The following KIFC2 variants were observed in gnomAD, a reference collection of about 807,000 sequenced individuals.
KIFC2 encodes the protein kinesin-like protein KIFC2.
Under a neutral mutation model 91.5 loss-of-function variants are expected in KIFC2, and 94 were observed. The ratio of observed to expected loss-of-function variants is 1.03; its 90% CI spans 0.87 to 1.22. The LOEUF (loss-of-function observed/expected upper bound fraction) is 1.22, where lower values mean the gene tolerates loss of function less well. KIFC2 is among the 50% of genes most tolerant of loss of function. The probability of loss-of-function intolerance (pLI) is 0.00; values close to 1 mark genes in which losing one functional copy is unlikely to be tolerated. For synonymous variants in KIFC2, 729 were observed against 503.9 expected (o/e 1.45, Z -5.98); for missense variants, 1,357 against 1,103.3 (o/e 1.23, Z -3.26).
At chr8:144,466,729 C>T (rs1406679315) in intron 1 of KIFC2, 31 bp from the exon 2 acceptor site, 158 of 1,490,422 alleles carry the variant, frequency 1.1e-4, no homozygotes, top group Non-Finnish European at 1.4e-4. Flanking sequence ...GCCTGCCCCC[C>T]TCCTCAGGGG....
intron 14 of KIFC2, 48 bp from the exon 15 acceptor site, chr8:144,472,313 C>A: frequency 1.9e-6 from 3 of 1,613,434 alleles, no homozygotes; most frequent in Non-Finnish European, 2.5e-6. Flanking sequence ...AGGGCCCTTC[C>A]GGATTTCCAG....
At position 144,468,009 on chromosome 8, in the gene KIFC2, G is replaced by A. The variant is rs929665815; in HGVS notation, c.810+22G>A. The A allele has an allele frequency of 2.6e-6, 4 of 1,518,520 alleles. No individual in the cohort carries two copies. In the Admixed American group the frequency reaches 1.0e-4, roughly 39 times the overall value. 94.1% of individuals were successfully genotyped at this position (1,518,520 alleles called of 1,614,324 possible). A position where few individuals can be genotyped will look rare whatever the true frequency, so the allele number is the denominator to read the frequency against. The stretch of plus-strand genomic sequence containing the variant: ...GCAGGTACTCTGCTCCCGAGCTGCA[G>A]CCGTTCCTGCAGCCTGGGGCTCTTG... On this transcript the variant is annotated intron_variant, in intron 7 of 17. Coordinates refer to ENST00000645548, the MANE Select transcript of KIFC2 (RefSeq NM_001369769.2).
At chr8:144,466,159 G>T, upstream of KIFC2, 2 of 167,082 alleles carry the variant, frequency 1.2e-5, no homozygotes, top group Non-Finnish European at 1.3e-5. Flanking sequence ...CGGGAGCCGT[G>T]GGCGCTCTCA....
rs1453376851 is a variant in KIFC2 at position 144,473,492 on chromosome 8, G to A, written c.*103G>A. ...CGTCTCCCAGGGCACAAGCTCCCTA[G>A]CCTCTTTGGATCCATTGCCCCTGAG... On this transcript the variant is annotated 3_prime_UTR_variant, in exon 18 of 18. Transcript: ENST00000645548. 12 of 1,433,740 alleles carry A rather than the reference G, an allele frequency of 8.4e-6. No individual in the cohort carries two copies. The highest frequency in any genetic ancestry group is 1.4e-5 in the African/African-American group (1 of 69,028). The allele number at this position is 1,433,740 out of a possible 1,614,324, so 88.8% of individuals were successfully genotyped here.
At chr8:144,470,801 C>A (rs1420122682) in intron 12 of KIFC2, 2 of 152,268 alleles carry the variant, frequency 1.3e-5, no homozygotes, top group Admixed American at 6.5e-5. Flanking sequence ...GAGCCAGGTA[C>A]TGGTGTGGCC....
chr8:144,472,609 C>G lies in KIFC2; in HGVS notation c.1764C>G (p.Thr588=), dbSNP rs780759737. ...MLKLGRSNRA[T]AATAMNQRSS... is the part of the protein sequence containing the mutation. ...AACTGGGGAGGAGCAACCGGGCCAC[C>G]GCCGCCACCGCCATGAACCAGCGCA... is the stretch of plus-strand genomic sequence containing the variant. Residue 588 remains threonine, a synonymous_variant, in exon 16 of 18, where the codon ACC becomes ACG. Coordinates refer to ENST00000645548, the MANE Select transcript of KIFC2 (RefSeq NM_001369769.2). The G allele has an allele frequency of 1.9e-6, 3 of 1,605,972 alleles. No individual in the cohort carries two copies. Among genetic ancestry groups the G allele is most frequent in the Non-Finnish European group, 2.5e-6 (3 of 1,179,678 alleles).
rs1337832597 is a variant in KIFC2, at chr8:144,466,468, C to T, written c.49C>T (p.Arg17Cys). 8 of 1,354,028 alleles carry T rather than the reference C, an allele frequency of 5.9e-6. No individual in the cohort carries two copies. The Admixed American group carries it at 1.3e-4, about 23-fold the overall frequency. The allele number at this position is 1,354,028 out of a possible 1,614,324, so 83.9% of individuals were successfully genotyped here. Residue 17 changes from arginine to cysteine, a missense_variant, in exon 1 of 18, where the codon CGC becomes TGC. Transcript: ENST00000645548. ...CATCTACATCTTCTACAGCCTCTTC[C>T]GCAGGGATGGTGGCGCCGCGGCGGC... ...LLIYIFYSLFRRDGGAAAAAE... is the reference protein window; with the variant it reads ...LLIYIFYSLFCRDGGAAAAAE...
At chr8:144,468,922 A>G in intron 10 of KIFC2, 88 bp downstream of exon 10, 1 of 1,108,802 alleles carries the variant, frequency 9.0e-7, no homozygotes, top group Non-Finnish European at 1.3e-6. Context: ...AGTTGGCTGT[A>G]CTAATAAGTG....
intron 1 of KIFC2, 113 bp from the exon 2 acceptor site, chr8:144,466,647 C>T (rs1388345000): frequency 2.4e-5 from 25 of 1,023,406 alleles, no homozygotes; most frequent in Non-Finnish European, 3.3e-5. Context: ...TCGGCTCGGC[C>T]CCGATGCTGG....
rs753498379 is a variant in KIFC2, at chr8:144,466,436, C to G, written c.17C>G (p.Ser6Trp). MYAFY[S>W]LLIYIFYSLF... ...CGCGCTCCCATGTACGCCTTTTACT[C>G]GTTGCTCATCTACATCTTCTACAGC... Residue 6 changes from serine to tryptophan, a missense_variant, in exon 1 of 18, where the codon TCG (serine) becomes TGG (tryptophan). Physicochemically the swap from Ser to Trp is radical, Grantham distance 177. Coordinates refer to ENST00000645548, the MANE Select transcript of KIFC2 (RefSeq NM_001369769.2). 12 of 1,357,276 alleles carry G rather than the reference C, an allele frequency of 8.8e-6. No homozygotes were observed. Among genetic ancestry groups the G allele is most frequent in the Non-Finnish European group, 1.2e-5 (12 of 1,040,972 alleles). 84.1% of individuals were successfully genotyped at this position (1,357,276 alleles called of 1,614,324 possible).
chr8:144,472,089 C>T, intron 13 of KIFC2, 43 bp downstream of exon 13: 2 of 1,613,090 alleles, frequency 1.2e-6, no homozygotes. Flanking sequence ...CCCCAGGGGC[C>T]CTGCATGACT....
rs912468825 is a variant in KIFC2 at position 144,474,014 on chromosome 8, C to G, written c.*625C>G. 1 of 570,624 alleles carries G rather than the reference C, an allele frequency of 1.8e-6. No individual in the cohort carries two copies. The highest frequency in any genetic ancestry group is 2.8e-5 in the East Asian group (1 of 35,138). 35.3% of individuals were successfully genotyped at this position (570,624 alleles called of 1,614,324 possible). A position where few individuals can be genotyped will look rare whatever the true frequency, so the allele number is the denominator to read the frequency against. On this transcript the variant is annotated 3_prime_UTR_variant, in exon 18 of 18. Coordinates refer to ENST00000645548, the MANE Select transcript of KIFC2 (RefSeq NM_001369769.2). Reference sequence around the variant, plus strand: ...CTCAGCCCTGCTCCTGCAGCTTTGCCGCTGAGTGTAGGAAAAACAGGCATG... The same window carrying G: ...CTCAGCCCTGCTCCTGCAGCTTTGCGGCTGAGTGTAGGAAAAACAGGCATG...
At position 144,467,554 on chromosome 8, in the gene KIFC2, C is replaced by T; in HGVS notation, c.539C>T (p.Thr180Ile). ...CCAGGCGAGCCACTGGGGGATGAGA[C>T]CCAGGGACAGCAGCCCCTCCAGTTG... The part of the protein sequence containing the change: ...AVPGEPLGDE[T>I]QGQQPLQLEE... The change falls in exon 5 of 18, where the codon ACC becomes ATC. Residue 180 changes from threonine to isoleucine, a missense_variant. Transcript: ENST00000645548. 3.1e-6 allele frequency: 5 copies of T among 1,605,986 alleles called. No individual in the cohort carries two copies. The highest frequency in any genetic ancestry group is 1.3e-5 in the African/African-American group (1 of 74,696).
At position 144,468,672 on chromosome 8, in the gene KIFC2, C is replaced by T. The variant is rs199747549; in HGVS notation, c.1003+22C>T. The T allele has an allele frequency of 1.0e-4, 162 of 1,613,076 alleles. 1 individual carries two copies. The East Asian group carries it at 1.2e-3, about 12-fold the overall frequency. On this transcript the variant is annotated intron_variant, in intron 9 of 17. Transcript: ENST00000645548. ...GCAGGTAAGGGTTGGGGTTGGGGCTCATGGGAGGCCCTGGAGGCTGGGCCT... is the reference window on the plus strand; with the variant it reads ...GCAGGTAAGGGTTGGGGTTGGGGCTTATGGGAGGCCCTGGAGGCTGGGCCT...
chr8:144,468,846 T>G lies in KIFC2; in HGVS notation c.1113+12T>G, dbSNP rs1376216711. ...AGGCCCGGGGCCAGGTCAGGACCCC[T>G]CCCCGCCTAGCCCCTCCTCTCTGGG... On this transcript the variant is annotated intron_variant, in intron 10 of 17. Coordinates refer to ENST00000645548, the MANE Select transcript of KIFC2 (RefSeq NM_001369769.2). 1.7e-5 allele frequency: 28 copies of G among 1,602,354 alleles called. No homozygotes were observed. The highest frequency in any genetic ancestry group is 2.3e-5 in the Non-Finnish European group (27 of 1,170,014).
At position 144,469,729 on chromosome 8, in the gene KIFC2, A is replaced by T. The variant is rs115937743; in HGVS notation, c.1380+82A>T. 737 of 1,470,740 alleles carry T rather than the reference A, an allele frequency of 5.0e-4. 1 individual carries two copies. In the African/African-American group the frequency reaches 7.1e-3, roughly 14 times the overall value. The allele number at this position is 1,470,740 out of a possible 1,614,324, so 91.1% of individuals were successfully genotyped here. A position where few individuals can be genotyped will look rare whatever the true frequency, so the allele number is the denominator to read the frequency against. ...GGAGAGGCTCCAGTTTCCCCTTCCC[A>T]GTCTGGGTGTCCACCTGGAGGAGAG... is the stretch of plus-strand genomic sequence containing the variant. On this transcript the variant is annotated intron_variant, in intron 12 of 17. Transcript: ENST00000645548.
In KIFC2 at chr8:144,473,004, C is replaced by T. The variant is rs532420256; in HGVS notation, c.2071C>T (p.Leu691=). Residue 691 remains leucine, a synonymous_variant, in exon 17 of 18, where the codon CTG becomes TTG. Transcript: ENST00000645548. ...CCGCGACTCGCAGCTCACGCGACTG[C>T]TGCAGCCGGCGCTGGGCCCAGGCAC... ...PFRDSQLTRL[L]QPALGPGTTA... is the part of the protein sequence containing the mutation. The T allele has an allele frequency of 1.5e-5, 21 of 1,429,126 alleles. No homozygotes were observed. In the African/African-American group the frequency reaches 2.4e-4, roughly 16 times the overall value. The allele number at this position is 1,429,126 out of a possible 1,614,324, so 88.5% of individuals were successfully genotyped here.
intron 7 of KIFC2, 93 bp from the exon 8 acceptor site, chr8:144,468,236 C>T (rs1368839047): frequency 3.3e-6 from 4 of 1,212,382 alleles, no homozygotes; most frequent in Non-Finnish European, 4.7e-6. Flanking sequence ...TCACAGCCAG[C>T]TCTGCCCACC....
At chr8:144,470,160 G>A (rs1469417599) in intron 12 of KIFC2, among the ~76,000 whole-genome samples, 2 of 152,242 alleles carry the variant, frequency 1.3e-5, no homozygotes, top group South Asian at 2.1e-4. Flanking sequence ...CAGAGCCAGG[G>A]GAGACTAGGT....
Sources: gnomAD v4.1 joint callset for allele counts (sites outside exome capture counted in the v4.1 genomes callset) on GRCh38, gnomAD v4.1.1 for gene constraint, MANE v1.5 for transcripts, NCBI Gene and HGNC (gene_info 2026-07-23, HGNC 2026-07-21) for gene names.